Variants in DACH2 observed in about 807,000 individuals in gnomAD.
DACH2 encodes dachshund family transcription factor 2.
Under a neutral mutation model 35.8 loss-of-function variants are expected in DACH2, and 17 were observed. The observed-to-expected ratio is 0.48, with a 90% CI of 0.33 to 0.71. The LOEUF is 0.71. Ranked by LOEUF, DACH2 falls within the 30% of genes least tolerant of loss-of-function variation. The probability of loss-of-function intolerance (pLI) is 0.02; values close to 1 mark genes in which losing one functional copy is unlikely to be tolerated. For synonymous variants in DACH2, 195 were observed against 177.3 expected (o/e 1.10, Z -0.79); for missense variants, 469 against 472.7 (o/e 0.99, Z 0.07).
chrX:86,450,198 G>A (rs1461683444), intron 2 of DACH2, among the ~76,000 whole-genome samples: 1 of 110,502 alleles, frequency 9.0e-6, no homozygotes. Context: ...ACATTCATTA[G>A]CTGTTCTTCC....
intron 3 of DACH2, among the ~76,000 whole-genome samples, chrX:86,610,422 C>CT (rs1224053184): frequency 5.4e-4 from 25 of 45,892 alleles, no homozygotes; most frequent in African/African-American, 2.0e-3. Context: ...TCTTTCTTTT[C>CT]TTTCTTTCTT....
At chrX:86,513,231 C>A (rs2038420021) in intron 2 of DACH2, among the ~76,000 whole-genome samples, 2 of 112,027 alleles carry the variant, frequency 1.8e-5, no homozygotes, top group South Asian at 7.4e-4. Flanking sequence ...GAACCTCATA[C>A]ATTTTTGCTG....
chrX:86,315,820 C>T (rs1415486509), intron 1 of DACH2, among the ~76,000 whole-genome samples: 1 of 99,006 alleles, frequency 1.0e-5, no homozygotes, highest in Admixed American at 1.1e-4. Flanking sequence ...CACACACACA[C>T]ACACACACAC....
chrX:86,707,650 C>CCA (rs774505286), intron 5 of DACH2, among the ~76,000 whole-genome samples: 316 of 110,277 alleles, frequency 2.9e-3, no homozygotes, highest in Non-Finnish European at 5.5e-3. Flanking sequence ...GGCGCGGTGG[C>CCA]CCACGCCTGT....
chrX:86,734,155 T>G (rs377317450), intron 6 of DACH2, among the ~76,000 whole-genome samples: 3 of 110,818 alleles, frequency 2.7e-5, no homozygotes, highest in South Asian at 7.6e-4. Context: ...CTGTAAGCCT[T>G]TTCCAGGACA....
chrX:86,339,675 G>GTC (rs1217422645), intron 1 of DACH2, among the ~76,000 whole-genome samples: 10 of 111,667 alleles, frequency 9.0e-5, no homozygotes, highest in Non-Finnish European at 1.9e-4. Context: ...TGGCTTCAAA[G>GTC]TCTATACTCT....
At chrX:86,271,706 C>T (rs1291835497) in intron 1 of DACH2, among the ~76,000 whole-genome samples, 1 of 111,759 alleles carries the variant, frequency 8.9e-6, no homozygotes, top group African/African-American at 3.3e-5. Flanking sequence ...AGAACCAAGA[C>T]ATTTTAATGC....
intron 3 of DACH2, among the ~76,000 whole-genome samples, chrX:86,604,310 T>C (rs1312124762): frequency 9.0e-6 from 1 of 111,136 alleles, no homozygotes; most frequent in Admixed American, 9.6e-5. Context: ...GTGTTTGCCC[T>C]GGGGTTTATA....
intron 1 of DACH2, among the ~76,000 whole-genome samples, chrX:86,295,799 G>T (rs562892368): frequency 6.3e-5 from 7 of 110,322 alleles, no homozygotes; most frequent in African/African-American, 2.3e-4. Context: ...GGAGCCAGGG[G>T]GATTTGGGAG....
intron 1 of DACH2, among the ~76,000 whole-genome samples, chrX:86,296,492 T>A (rs2034465303): frequency 2.7e-5 from 3 of 110,822 alleles, no homozygotes; most frequent in African/African-American, 9.8e-5. Flanking sequence ...TCAACTTTAA[T>A]CTTTATTATT....
intron 2 of DACH2, among the ~76,000 whole-genome samples, chrX:86,446,046 T>G (rs1484174476): frequency 9.0e-6 from 1 of 111,228 alleles, no homozygotes; most frequent in Non-Finnish European, 1.9e-5. Flanking sequence ...GTTGGGTGCA[T>G]ATATATTTAT....
chrX:86,691,596 A>G (rs1158881963), intron 4 of DACH2, among the ~76,000 whole-genome samples: 1 of 111,610 alleles, frequency 9.0e-6, no homozygotes, highest in Non-Finnish European at 1.9e-5. Flanking sequence ...AAACTTGTGC[A>G]TAAAAGAGTT....
intron 1 of DACH2, chrX:86,304,654 G>T: frequency 5.9e-6 from 1 of 169,546 alleles, no homozygotes. Flanking sequence ...GGTCTGGACA[G>T]CATCCACATG....
chrX:86,783,742 C>G (rs1434535483), intron 7 of DACH2, among the ~76,000 whole-genome samples: 1 of 111,229 alleles, frequency 9.0e-6, no homozygotes, highest in Non-Finnish European at 1.9e-5. Flanking sequence ...CACAGAAAGT[C>G]AAACATAGCA....
intron 2 of DACH2, among the ~76,000 whole-genome samples, chrX:86,415,799 A>G (rs1355180753): frequency 2.7e-5 from 3 of 112,153 alleles, no homozygotes; most frequent in Non-Finnish European, 3.8e-5. Context: ...AAATTACAAT[A>G]TTTTCTTTGA....
intron 2 of DACH2, among the ~76,000 whole-genome samples, chrX:86,462,970 CTT>C (rs1025836215): frequency 9.0e-6 from 1 of 111,232 alleles, no homozygotes; most frequent in Non-Finnish European, 1.9e-5. Flanking sequence ...TATTTATAAA[CTT>C]ATATTTATAA....
chrX:86,748,746 AG>A (rs2041740349), intron 7 of DACH2, among the ~76,000 whole-genome samples: 2 of 111,874 alleles, frequency 1.8e-5, no homozygotes, highest in South Asian at 7.5e-4. Context: ...ATCCCCTAAT[AG>A]GAGAGTTAGC....
At chrX:86,573,874 C>T (rs918068255) in intron 3 of DACH2, among the ~76,000 whole-genome samples, 1 of 111,525 alleles carries the variant, frequency 9.0e-6, no homozygotes, top group African/African-American at 3.3e-5. Flanking sequence ...TACAGCCATA[C>T]AATATGTGCA....
At chrX:86,330,694 G>T (rs781705207) in intron 1 of DACH2, among the ~76,000 whole-genome samples, 8 of 111,769 alleles carry the variant, frequency 7.2e-5, no homozygotes, top group Non-Finnish European at 1.5e-4. Context: ...TTAAATTCTG[G>T]ATAATCAAGG....
Sources: allele counts gnomAD v4.1 joint callset (sites outside exome capture counted in the v4.1 genomes callset), GRCh38; gene constraint gnomAD v4.1.1; transcripts MANE v1.5; gene names NCBI Gene and HGNC (gene_info 2026-07-23, HGNC 2026-07-21).